Variants in ATXN7 observed in about 807,000 individuals in gnomAD.
ATXN7 encodes the protein ataxin 7.
ATXN7 carries 12 observed loss-of-function variants against 70.5 expected under a neutral mutation model. The ratio of observed to expected loss-of-function variants is 0.17; its 90% CI spans 0.11 to 0.28. The LOEUF is 0.28. ATXN7 is among the 10% of genes least tolerant of loss of function. The probability of loss-of-function intolerance (pLI) is 1.00; values close to 1 mark genes in which losing one functional copy is unlikely to be tolerated. For synonymous variants in ATXN7, 498 were observed against 448.7 expected (o/e 1.11, Z -1.39); for missense variants, 1,256 against 1,131.7 (o/e 1.11, Z -1.58).
At chr3:63,930,690 G>A (rs929116752) in intron 4 of ATXN7, among the ~76,000 whole-genome samples, 16 of 151,984 alleles carry the variant, frequency 1.1e-4, no homozygotes, top group African/African-American at 3.1e-4. Flanking sequence ...GACCACGCCC[G>A]GCTAATTTTT....
At chr3:63,990,563 C>G in intron 10 of ATXN7, 175 bp from the exon 11 acceptor site, 1 of 1,236,656 alleles carries the variant, frequency 8.1e-7, no homozygotes, top group Admixed American at 2.1e-5. Flanking sequence ...GCTTTTTTCC[C>G]TTTCTCTTCC....
intron 1 of ATXN7, among the ~76,000 whole-genome samples, chr3:63,897,018 A>T (rs1383707672): frequency 1.3e-5 from 2 of 152,226 alleles, no homozygotes; most frequent in African/African-American, 4.8e-5. Context: ...CTCTGAAGGA[A>T]TCACCATCAG....
chr3:63,980,160 G>A lies in ATXN7; in HGVS notation c.745G>A (p.Gly249Ser). The A allele has an allele frequency of 6.2e-7, 1 of 1,614,172 alleles. No homozygotes were observed. The highest frequency in any genetic ancestry group is 8.5e-7 in the Non-Finnish European group (1 of 1,180,022). Residue 249 changes from glycine (G) to serine (S), a missense_variant, in exon 6 of 13, where the codon GGT (glycine) becomes AGT (serine). Coordinates refer to ENST00000674280, the MANE Select transcript of ATXN7 (RefSeq NM_001377405.1). ...HPIQQSRVPH[G>S]RIMTPSVKVE... is the part of the protein sequence containing the mutation. Reference sequence around the variant, plus strand: ...CATTCAGCAAAGTAGAGTTCCCCATGGTAGAATGTGAGTATGGCCAAGAGG... The same window carrying A: ...CATTCAGCAAAGTAGAGTTCCCCATAGTAGAATGTGAGTATGGCCAAGAGG...
At chr3:63,949,158 C>A (rs976816090) in intron 4 of ATXN7, among the ~76,000 whole-genome samples, 4 of 151,968 alleles carry the variant, frequency 2.6e-5, no homozygotes, top group African/African-American at 4.8e-5. Flanking sequence ...CTCACACACA[C>A]ATTATTTCAT....
rs2075327680 is a variant in ATXN7 at position 63,972,462 on chromosome 3, T to TG, written c.500-7452dup. ...AGTGCACACTCTGTTTAACCTTAAC[T>TG]GAGTCTATCTGAAAGTGTGAGTGAG... is the stretch of plus-strand genomic sequence containing the variant. On this transcript the variant is annotated intron_variant, in intron 5 of 12. Transcript: ENST00000674280. Among the ~76,000 whole-genome samples the TG allele has an allele frequency of 3.3e-5, 5 of 152,306 alleles. No homozygotes were observed. In the South Asian group the frequency reaches 1.0e-3, roughly 32 times the overall value.
intron 4 of ATXN7, among the ~76,000 whole-genome samples, chr3:63,915,907 A>C (rs141105885): frequency 1.1e-3 from 163 of 152,024 alleles, no homozygotes; most frequent in African/African-American, 1.7e-3. Flanking sequence ...TCTGGTCTGA[A>C]GCTCCTGACC....
intron 1 of ATXN7, among the ~76,000 whole-genome samples, chr3:63,884,162 T>TGTA (rs1180831852): frequency 5.3e-5 from 8 of 151,844 alleles, no homozygotes; most frequent in Admixed American, 4.6e-4. Flanking sequence ...AATATGAGCC[T>TGTA]GTAGTATCTT....
chr3:63,915,045 C>T (rs1350431930), intron 4 of ATXN7, among the ~76,000 whole-genome samples: 1 of 151,782 alleles, frequency 6.6e-6, no homozygotes, highest in African/African-American at 2.4e-5. Context: ...AAGCGATTCT[C>T]CTGCCTCAGC....
intron 2 of ATXN7, chr3:63,904,222 A>G (rs979977071): frequency 3.3e-5 from 5 of 152,056 alleles, no homozygotes; most frequent in African/African-American, 1.2e-4. Flanking sequence ...TTCATTTAGC[A>G]TAATGTTTTT....
At chr3:63,883,857 A>T (rs1264260298) in intron 1 of ATXN7, among the ~76,000 whole-genome samples, 3 of 152,092 alleles carry the variant, frequency 2.0e-5, no homozygotes, top group Non-Finnish European at 4.4e-5. Context: ...CAGAAAAAAA[A>T]ATATTTTTTT....
At chr3:63,983,539 G>A (rs971250839) in intron 8 of ATXN7, among the ~76,000 whole-genome samples, 5 of 152,068 alleles carry the variant, frequency 3.3e-5, no homozygotes, top group African/African-American at 1.2e-4. Context: ...CTAGTGGGGA[G>A]GCTGAGGCAG....
intron 4 of ATXN7, among the ~76,000 whole-genome samples, chr3:63,930,017 C>G (rs1450286789): frequency 2.0e-5 from 3 of 152,128 alleles, no homozygotes; most frequent in African/African-American, 7.2e-5. Context: ...CTGGGAATTA[C>G]CTGCCCAGTA....
intron 4 of ATXN7, among the ~76,000 whole-genome samples, chr3:63,930,075 A>G (rs1704889305): frequency 1.3e-5 from 2 of 152,182 alleles, no homozygotes; most frequent in Admixed American, 1.3e-4. Context: ...ACTAAATAGG[A>G]CATAATTTTT....
intron 2 of ATXN7, chr3:63,904,043 T>G (rs1160036048): frequency 2.0e-5 from 3 of 152,158 alleles, no homozygotes; most frequent in African/African-American, 7.2e-5. Context: ...GTCAAAAACA[T>G]TTTTAGCACC....
In ATXN7 at chr3:63,989,055, T is replaced by A. The variant is rs1454010903; in HGVS notation, c.1361+731T>A. Among the ~76,000 whole-genome samples the A allele has an allele frequency of 4.6e-5, 7 of 152,222 alleles. No individual in the cohort carries two copies. In the East Asian group the frequency reaches 1.3e-3, roughly 29 times the overall value. ...TGTGCCAGTCCTCGGCTGCTATTGC[T>A]TACCATTTCACCCTCACATGTCTGA... On this transcript the variant is annotated intron_variant, in intron 9 of 12. Coordinates refer to ENST00000674280, the MANE Select transcript of ATXN7 (RefSeq NM_001377405.1).
intron 5 of ATXN7, among the ~76,000 whole-genome samples, chr3:63,971,230 G>T (rs562402300): frequency 6.6e-6 from 1 of 152,322 alleles, no homozygotes; most frequent in African/African-American, 2.4e-5. Context: ...ATGCTCTGGA[G>T]TTGCCTCCCA....
At chr3:63,941,888 A>G (rs1226347904) in intron 4 of ATXN7, among the ~76,000 whole-genome samples, 1 of 152,236 alleles carries the variant, frequency 6.6e-6, no homozygotes, top group East Asian at 1.9e-4. Context: ...TTAAAACTTT[A>G]AAAATATCAT....
chr3:63,927,633 C>T (rs1462739654), intron 4 of ATXN7, among the ~76,000 whole-genome samples: 1 of 152,180 alleles, frequency 6.6e-6, no homozygotes, highest in Non-Finnish European at 1.5e-5. Context: ...AAATAAATGA[C>T]GGTGTGCTTG....
chr3:63,935,856 C>G (rs541722570), intron 4 of ATXN7, among the ~76,000 whole-genome samples: 1 of 152,106 alleles, frequency 6.6e-6, no homozygotes, highest in African/African-American at 2.4e-5. Context: ...AGTGAGTATA[C>G]AGCACAAACT....
Sources: allele counts gnomAD v4.1 joint callset (sites outside exome capture counted in the v4.1 genomes callset), GRCh38; gene constraint gnomAD v4.1.1; transcripts MANE v1.5; gene names NCBI Gene and HGNC (gene_info 2026-07-23, HGNC 2026-07-21).